The following ST8SIA6 variants were observed in gnomAD, a reference collection of about 807,000 sequenced individuals.
ST8SIA6 encodes alpha-2,8-sialyltransferase 8F.
A neutral mutation model predicts 33.6 loss-of-function variants in ST8SIA6; 39 were observed. The ratio of observed to expected loss-of-function variants is 1.16; its 90% CI spans 0.90 to 1.52. ST8SIA6 has a LOEUF of 1.52. Among genes scored for constraint, ST8SIA6 ranks in the 40% most tolerant of loss-of-function variants. The pLI is 0.00. For synonymous variants in ST8SIA6, 172 were observed against 167.2 expected (o/e 1.03, Z -0.22); for missense variants, 441 against 443.8 (o/e 0.99, Z 0.06).
At chr10:17,395,080 G>A (rs1311376437) in intron 2 of ST8SIA6, among the ~76,000 whole-genome samples, 2 of 152,088 alleles carry the variant, frequency 1.3e-5, no homozygotes, top group Non-Finnish European at 2.9e-5. Context: ...ATCACGGGGG[G>A]CAGTTTCCCC....
In ST8SIA6 at chr10:17,383,700, T is replaced by C. The variant is rs182897696; in HGVS notation, c.290+6831A>G. ...TTTCTAATAACTTTGTAGATTGTGA[T>C]ATCAGAATGCAGGAAAAACTTTCAG... On this transcript the variant is annotated intron_variant, in intron 3 of 7. Transcript: ENST00000377602. 2.0e-5 allele frequency among the ~76,000 whole-genome samples: 3 copies of C among 152,356 alleles called. No individual in the cohort carries two copies. In the East Asian group the frequency reaches 5.8e-4, roughly 29 times the overall value.
At chr10:17,406,584 A>G (rs1283986442) in intron 2 of ST8SIA6, among the ~76,000 whole-genome samples, 1 of 152,272 alleles carries the variant, frequency 6.6e-6, no homozygotes, top group Middle Eastern at 3.4e-3. Flanking sequence ...CTACAAACGT[A>G]TGAGGGTTGA....
At chr10:17,444,131 G>A (rs111617550) in intron 2 of ST8SIA6, among the ~76,000 whole-genome samples, 16 of 152,290 alleles carry the variant, frequency 1.1e-4, no homozygotes, top group African/African-American at 3.6e-4. Context: ...CCCCTGGGCA[G>A]TCAGGTTTTT....
At chr10:17,394,747 T>C (rs1850743344) in intron 2 of ST8SIA6, among the ~76,000 whole-genome samples, 1 of 152,168 alleles carries the variant, frequency 6.6e-6, no homozygotes, top group Non-Finnish European at 1.5e-5. Context: ...GCAGATCCCA[T>C]CTAAGAGGTT....
At chr10:17,330,322 A>AGT (rs747047162) in intron 5 of ST8SIA6, among the ~76,000 whole-genome samples, 12 of 152,184 alleles carry the variant, frequency 7.9e-5, no homozygotes, top group Non-Finnish European at 1.6e-4. Context: ...TGGATGAATG[A>AGT]GTGAAAGGGC....
chr10:17,448,926 G>A (rs1010998106), intron 2 of ST8SIA6, among the ~76,000 whole-genome samples: 2 of 151,044 alleles, frequency 1.3e-5, no homozygotes, highest in Non-Finnish European at 3.0e-5. Flanking sequence ...GGCCGGCAGG[G>A]TTTTATTGAG....
Position 17,331,554 on chromosome 10 carries a change from T to C in ST8SIA6, c.378-2A>G. Reference sequence around the variant, plus strand: ...TCACAGCAGGAAGCAAGTTTGGCTCTGCAAAGGAAAAGGATGAAAAGGAAG... The same window carrying C: ...TCACAGCAGGAAGCAAGTTTGGCTCCGCAAAGGAAAAGGATGAAAAGGAAG... On this transcript the variant is annotated splice_acceptor_variant, in intron 4 of 7. Coordinates refer to ENST00000377602, the MANE Select transcript of ST8SIA6 (RefSeq NM_001004470.3). LOFTEE classifies it high-confidence loss of function. 1 of 1,602,372 alleles carries C rather than the reference T, an allele frequency of 6.2e-7. No homozygotes were observed. The highest frequency in any genetic ancestry group is 8.5e-7 in the Non-Finnish European group (1 of 1,176,376).
chr10:17,329,872 T>C (rs1172625730), intron 5 of ST8SIA6, among the ~76,000 whole-genome samples: 1 of 152,192 alleles, frequency 6.6e-6, no homozygotes, highest in African/African-American at 2.4e-5. Flanking sequence ...AAATCAACTT[T>C]TATTTTTTTC....
intron 2 of ST8SIA6, among the ~76,000 whole-genome samples, chr10:17,395,017 T>C (rs978431731): frequency 6.6e-6 from 1 of 152,188 alleles, no homozygotes; most frequent in South Asian, 2.1e-4. Flanking sequence ...TCTTGAATTA[T>C]AGCTTTCACA....
intron 2 of ST8SIA6, among the ~76,000 whole-genome samples, chr10:17,401,368 T>C (rs1373651405): frequency 2.0e-5 from 3 of 152,220 alleles, no homozygotes; most frequent in African/African-American, 4.8e-5. Context: ...AGGTAATTTA[T>C]AGATACAGTG....
At chr10:17,379,339 GAGA>G (rs1222244160) in intron 3 of ST8SIA6, among the ~76,000 whole-genome samples, 4 of 146,358 alleles carry the variant, frequency 2.7e-5, no homozygotes, top group Non-Finnish European at 6.0e-5. Context: ...AGGAGAGGGT[GAGA>G]GACCTAATAA....
rs116919554 is a variant in ST8SIA6, at chr10:17,343,663, A to G, written c.378-12111T>C. On this transcript the variant is annotated intron_variant, in intron 4 of 7. Coordinates refer to ENST00000377602, the MANE Select transcript of ST8SIA6 (RefSeq NM_001004470.3). ...AGAAAAACAGAAGAGATGAAGACAGAAGGCAAAAGACAGTCATCCACAGAA... is the reference window on the plus strand; with the variant it reads ...AGAAAAACAGAAGAGATGAAGACAGGAGGCAAAAGACAGTCATCCACAGAA... Among the ~76,000 whole-genome samples the G allele has an allele frequency of 5.5e-3, 830 of 152,244 alleles. 5 individuals are homozygous for G. Among genetic ancestry groups the G allele is most frequent in the Middle Eastern group, 0.017 (5 of 294 alleles).
rs773923098 is a variant in ST8SIA6 at position 17,323,140 on chromosome 10, G to T, written c.653C>A (p.Thr218Asn). 1 of 1,613,414 alleles carries T rather than the reference G, an allele frequency of 6.2e-7. No individual in the cohort carries two copies. Among genetic ancestry groups the T allele is most frequent in the Non-Finnish European group, 8.5e-7 (1 of 1,179,704 alleles). Reference protein sequence around the residue: ...DFVFRCNLPPTTGDVSKDVGS... With the variant: ...DFVFRCNLPPNTGDVSKDVGS... ...AACATCTTTACTAACATCTCCTGTGGTTGGGGGTAGGTTACACCTGAAATT... is the reference window on the plus strand; with the variant it reads ...AACATCTTTACTAACATCTCCTGTGTTTGGGGGTAGGTTACACCTGAAATT... Residue 218 changes from threonine (T) to asparagine (N), a missense_variant, in exon 7 of 8, where the codon ACC becomes AAC. Transcript: ENST00000377602.
At chr10:17,322,380 A>G (rs1444364910) in intron 7 of ST8SIA6, among the ~76,000 whole-genome samples, 1 of 152,174 alleles carries the variant, frequency 6.6e-6, no homozygotes, top group Middle Eastern at 3.2e-3. Flanking sequence ...GCATTGTAGT[A>G]TCTATGTGTA....
At chr10:17,430,774 C>T (rs80173733) in intron 2 of ST8SIA6, among the ~76,000 whole-genome samples, 2,052 of 152,300 alleles carry the variant, frequency 0.013, 27 homozygotes, top group Non-Finnish European at 0.022. Flanking sequence ...CTCGTAGATT[C>T]TGGATTCTAG....
intron 4 of ST8SIA6, among the ~76,000 whole-genome samples, chr10:17,347,600 G>A (rs534799199): frequency 8.5e-5 from 13 of 152,232 alleles, no homozygotes; most frequent in East Asian, 3.9e-4. Flanking sequence ...GCACCCATCC[G>A]GCTGCCTTCA....
At chr10:17,421,555 A>G (rs1851781443) in intron 2 of ST8SIA6, among the ~76,000 whole-genome samples, 1 of 152,124 alleles carries the variant, frequency 6.6e-6, no homozygotes, top group East Asian at 1.9e-4. Flanking sequence ...ACAAATTAGA[A>G]CAAGTCTTAA....
At chr10:17,433,115 T>C (rs1852152623) in intron 2 of ST8SIA6, among the ~76,000 whole-genome samples, 1 of 152,226 alleles carries the variant, frequency 6.6e-6, no homozygotes, top group South Asian at 2.1e-4. Flanking sequence ...AGTTTCTCTA[T>C]TAACAGACCA....
At chr10:17,429,995 C>T (rs1038512650) in intron 2 of ST8SIA6, among the ~76,000 whole-genome samples, 8 of 151,916 alleles carry the variant, frequency 5.3e-5, no homozygotes, top group African/African-American at 1.7e-4. Flanking sequence ...GTGCACCCAT[C>T]GCCGGAGCAG....
Sources: allele counts gnomAD v4.1 joint callset (sites outside exome capture counted in the v4.1 genomes callset), GRCh38; gene constraint gnomAD v4.1.1; transcripts MANE v1.5; gene names NCBI Gene and HGNC (gene_info 2026-07-23, HGNC 2026-07-21).